The following LRRC8D variants were observed in gnomAD, a reference collection of about 807,000 sequenced individuals.
LRRC8D encodes leucine rich repeat containing 8 VRAC subunit D.
A neutral mutation model predicts 55.8 loss-of-function variants in LRRC8D; 20 were observed. The ratio of observed to expected loss-of-function variants is 0.36; its 90% CI spans 0.25 to 0.52. The LOEUF is 0.52. LRRC8D is among the 20% of genes least tolerant of loss of function. The pLI is 0.93. For missense variants in LRRC8D, 651 were observed against 1,030.8 expected, an observed-to-expected ratio of 0.63 and a Z score of 5.05; for synonymous variants, 352 against 377.0, an observed-to-expected ratio of 0.93 and a Z score of 0.77.
At chr1:89,873,132 G>T (rs1248748433) in intron 2 of LRRC8D, among the ~76,000 whole-genome samples, 2 of 152,098 alleles carry the variant, frequency 1.3e-5, no homozygotes. Flanking sequence ...AATTGTACAG[G>T]GGAGAGATCA....
rs144454457 is a variant in LRRC8D at position 89,873,744 on chromosome 1, A to G, written c.-3+29962A>G. Among the ~76,000 whole-genome samples, 36 of 152,350 alleles carry G rather than the reference A, an allele frequency of 2.4e-4. No individual in the cohort carries two copies. In the East Asian group the frequency reaches 6.2e-3, roughly 26 times the overall value. ...ATCCTGTCTGTTAAGTTGGTTGGCA[A>G]AGCCCAAATGTTTTCCCTTACATTC... On this transcript the variant is annotated intron_variant, in intron 2 of 2. Transcript: ENST00000337338.
At chr1:89,908,343 A>G (rs1454328734) in intron 2 of LRRC8D, among the ~76,000 whole-genome samples, 1 of 152,210 alleles carries the variant, frequency 6.6e-6, no homozygotes, top group Non-Finnish European at 1.5e-5. Context: ...TCATAGACAC[A>G]AGAACTGAGG....
At chr1:89,832,500 T>C (rs1353884705) in intron 1 of LRRC8D, among the ~76,000 whole-genome samples, 1 of 152,242 alleles carries the variant, frequency 6.6e-6, no homozygotes, top group Non-Finnish European at 1.5e-5. Context: ...CTTTTTAGAA[T>C]AAATTCATTT....
At chr1:89,895,549 CTGT>C (rs1662686116) in intron 2 of LRRC8D, among the ~76,000 whole-genome samples, 1 of 60,452 alleles carries the variant, frequency 1.7e-5, no homozygotes, top group South Asian at 4.4e-4. Context: ...TAAAGATGTA[CTGT>C]TTGTTTTTTT....
At chr1:89,838,631 A>T (rs143243303) in intron 1 of LRRC8D, among the ~76,000 whole-genome samples, 1 of 152,280 alleles carries the variant, frequency 6.6e-6, no homozygotes, top group East Asian at 1.9e-4. Flanking sequence ...ATTTAGTCAG[A>T]ATTTTGGGGG....
At chr1:89,829,758 G>A (rs112788928) in intron 1 of LRRC8D, among the ~76,000 whole-genome samples, 1,574 of 152,296 alleles carry the variant, frequency 0.01, 27 homozygotes, top group African/African-American at 0.035. Context: ...GTATGAGCCT[G>A]TTGGTAAAAC....
rs58480927 is a variant in LRRC8D at position 89,896,914 on chromosome 1, A to T, written c.-2-36153A>T. Among the ~76,000 whole-genome samples the T allele has an allele frequency of 9.7e-3, 1,476 of 152,332 alleles. 17 individuals carry two copies. Among genetic ancestry groups the T allele is most frequent in the African/African-American group, 0.034 (1,406 of 41,568 alleles). Reference sequence around the variant, plus strand: ...TATTGTGCATTAGACATTAGGCTAGACACTTTATTGCAGCATAATCATTTA... The same window carrying T: ...TATTGTGCATTAGACATTAGGCTAGTCACTTTATTGCAGCATAATCATTTA... On this transcript the variant is annotated intron_variant, in intron 2 of 2. Coordinates refer to ENST00000337338, the MANE Select transcript of LRRC8D (RefSeq NM_001134479.2).
rs904994750 is a variant in LRRC8D, at chr1:89,857,404, A to G, written c.-3+13622A>G. 2.0e-4 allele frequency among the ~76,000 whole-genome samples: 29 copies of G among 148,444 alleles called. No individual in the cohort carries two copies. The East Asian group carries it at 5.3e-3, about 27-fold the overall frequency. On this transcript the variant is annotated intron_variant, in intron 2 of 2. Coordinates refer to ENST00000337338, the MANE Select transcript of LRRC8D (RefSeq NM_001134479.2). Reference sequence around the variant, plus strand: ...TCTCAAAAAAAAAAAAAAAAAAAAAAGTAATTATCTCTGAGTGGAGATTAT... The same window carrying G: ...TCTCAAAAAAAAAAAAAAAAAAAAAGGTAATTATCTCTGAGTGGAGATTAT...
chr1:89,906,552 G>T lies in LRRC8D; in HGVS notation c.-2-26515G>T, dbSNP rs549834812. Among the ~76,000 whole-genome samples, 10 of 152,286 alleles carry T rather than the reference G, an allele frequency of 6.6e-5. No individual in the cohort carries two copies. The South Asian group carries it at 1.9e-3, about 28-fold the overall frequency. ...GTGGAATTTAAAGTAGACTGTGACTGGCCAGGTTGCTGCTTGCTCACAATG... is the reference window on the plus strand; with the variant it reads ...GTGGAATTTAAAGTAGACTGTGACTTGCCAGGTTGCTGCTTGCTCACAATG... On this transcript the variant is annotated intron_variant, in intron 2 of 2. Coordinates refer to ENST00000337338, the MANE Select transcript of LRRC8D (RefSeq NM_001134479.2).
At chr1:89,866,513 C>T (rs1042133262) in intron 2 of LRRC8D, among the ~76,000 whole-genome samples, 1 of 152,202 alleles carries the variant, frequency 6.6e-6, no homozygotes, top group Non-Finnish European at 1.5e-5. Flanking sequence ...TGTTTGAGAA[C>T]ACTTGCTTAC....
chr1:89,878,263 GTGCC>G (rs1662195737), intron 2 of LRRC8D, among the ~76,000 whole-genome samples: 1 of 152,160 alleles, frequency 6.6e-6, no homozygotes, highest in Non-Finnish European at 1.5e-5. Context: ...ATACTTTATA[GTGCC>G]TAGATCTGTT....
chr1:89,822,716 A>G (rs950607042), intron 1 of LRRC8D, among the ~76,000 whole-genome samples: 1 of 152,178 alleles, frequency 6.6e-6, no homozygotes, highest in African/African-American at 2.4e-5. Context: ...TCGCCATAGC[A>G]TCTGGGACCT....
intron 2 of LRRC8D, among the ~76,000 whole-genome samples, chr1:89,912,587 G>A (rs1379603614): frequency 6.6e-6 from 1 of 152,058 alleles, no homozygotes; most frequent in Non-Finnish European, 1.5e-5. Flanking sequence ...TTTTATTCCA[G>A]TAGCTTGAAG....
At chr1:89,860,784 A>T (rs1195916716) in intron 2 of LRRC8D, among the ~76,000 whole-genome samples, 1 of 74,828 alleles carries the variant, frequency 1.3e-5, no homozygotes, top group African/African-American at 4.4e-5. Flanking sequence ...AAAAAAAAAA[A>T]AATATATATA....
At chr1:89,858,085 C>G (rs373688711) in intron 2 of LRRC8D, among the ~76,000 whole-genome samples, 28 of 152,148 alleles carry the variant, frequency 1.8e-4, no homozygotes, top group Non-Finnish European at 3.4e-4. Context: ...AAAAATTAGC[C>G]GGGCGTGGTG....
chr1:89,835,037 C>T (rs752914538), intron 1 of LRRC8D, among the ~76,000 whole-genome samples: 1 of 149,036 alleles, frequency 6.7e-6, no homozygotes, highest in Non-Finnish European at 1.5e-5. Context: ...TGATCTCTGC[C>T]TTCAGCAATT....
At chr1:89,841,387 G>A (rs1181323851) in intron 1 of LRRC8D, among the ~76,000 whole-genome samples, 1 of 117,736 alleles carries the variant, frequency 8.5e-6, no homozygotes, top group African/African-American at 3.2e-5. Flanking sequence ...CCTCAGTATT[G>A]TCAAGACCAC....
At chr1:89,873,578 A>G (rs1662075567) in intron 2 of LRRC8D, among the ~76,000 whole-genome samples, 1 of 152,230 alleles carries the variant, frequency 6.6e-6, no homozygotes, top group Non-Finnish European at 1.5e-5. Flanking sequence ...CAATGGACAC[A>G]TTAGAAGAGG....
At chr1:89,910,424 G>A (rs929885880) in intron 2 of LRRC8D, among the ~76,000 whole-genome samples, 3 of 152,196 alleles carry the variant, frequency 2.0e-5, no homozygotes, top group Admixed American at 2.0e-4. Context: ...AGGTAATATT[G>A]TTATTAAATG....
Sources: gnomAD v4.1 joint callset for allele counts (sites outside exome capture counted in the v4.1 genomes callset) on GRCh38, gnomAD v4.1.1 for gene constraint, MANE v1.5 for transcripts, NCBI Gene and HGNC (gene_info 2026-07-23, HGNC 2026-07-21) for gene names.